DHX29: variants seen among roughly 807,000 people sequenced by gnomAD.
DHX29 encodes the protein ATP-dependent RNA helicase DHX29.
A neutral mutation model predicts 167.9 loss-of-function variants in DHX29; 79 were observed. The observed-to-expected ratio is 0.47, with a 90% CI of 0.39 to 0.57. DHX29 has a LOEUF of 0.57. Among genes scored for constraint, DHX29 ranks in the 20% least tolerant of loss-of-function variants. The pLI is 0.00. For missense variants in DHX29, 1,347 were observed against 1,593.4 expected (o/e 0.85, Z 2.63); for synonymous variants, 530 against 546.0 (o/e 0.97, Z 0.41).
chr5:55,261,904 T>C (rs1221078055), intron 24 of DHX29, among the ~76,000 whole-genome samples: 1 of 152,186 alleles, frequency 6.6e-6, no homozygotes, highest in Non-Finnish European at 1.5e-5. Context: ...GTTTGATAAA[T>C]GTTGAGAGTT....
intron 8 of DHX29, 60 bp downstream of exon 8, chr5:55,289,210 A>G: frequency 6.9e-7 from 1 of 1,453,078 alleles, no homozygotes; most frequent in Non-Finnish European, 9.0e-7. Flanking sequence ...TTACCATTAT[A>G]TATTTCTTGA....
At chr5:55,284,426 T>C (rs971708132) in intron 10 of DHX29, among the ~76,000 whole-genome samples, 4 of 152,222 alleles carry the variant, frequency 2.6e-5, no homozygotes, top group Non-Finnish European at 5.9e-5. Context: ...CAATTCTCTC[T>C]CTGACATTGA....
chr5:55,271,543 G>A (rs554780926), intron 18 of DHX29, among the ~76,000 whole-genome samples: 40 of 152,238 alleles, frequency 2.6e-4, no homozygotes, highest in Non-Finnish European at 4.7e-4. Flanking sequence ...TGAGGCAGGG[G>A]AACTGCTTGA....
intron 6 of DHX29, among the ~76,000 whole-genome samples, chr5:55,291,456 C>T (rs1286732549): frequency 1.3e-5 from 2 of 152,220 alleles, no homozygotes; most frequent in African/African-American, 4.8e-5. Flanking sequence ...TTCCATCTTT[C>T]CTGTACTTGG....
At chr5:55,298,008 A>G (rs1158787658) in intron 2 of DHX29, among the ~76,000 whole-genome samples, 1 of 152,196 alleles carries the variant, frequency 6.6e-6, no homozygotes, top group Non-Finnish European at 1.5e-5. Context: ...TAAGCACAAA[A>G]ATATAATTCA....
chr5:55,270,752 T>C, intron 18 of DHX29, 46 bp from the exon 19 acceptor site: 2 of 1,528,378 alleles, frequency 1.3e-6, no homozygotes, highest in South Asian at 2.3e-5. Context: ...TTGACTTAAG[T>C]CAAAATTGGA....
intron 14 of DHX29, 48 bp downstream of exon 14, chr5:55,276,218 G>A: frequency 6.9e-7 from 1 of 1,457,014 alleles, no homozygotes; most frequent in Non-Finnish European, 9.2e-7. Flanking sequence ...TGGCAGGTTA[G>A]GCCCTGGATA....
chr5:55,276,169 C>T, intron 14 of DHX29, 97 bp downstream of exon 14: 1 of 1,061,812 alleles, frequency 9.4e-7, no homozygotes, highest in South Asian at 1.8e-5. Flanking sequence ...AAATTATACT[C>T]AAATTCACTG....
chr5:55,267,058 T>A, intron 23 of DHX29, 80 bp downstream of exon 23: 1 of 892,476 alleles, frequency 1.1e-6, no homozygotes, highest in South Asian at 1.8e-5. Context: ...TGACAAGTAT[T>A]TTCCTAGGCA....
chr5:55,278,830 C>T (rs1299435311), intron 12 of DHX29, among the ~76,000 whole-genome samples: 11 of 152,036 alleles, frequency 7.2e-5, no homozygotes, highest in Admixed American at 5.9e-4. Context: ...TTTCAGAAAC[C>T]GGAGAAACAA....
Position 55,274,900 on chromosome 5 carries a change from G to T in DHX29, c.2538C>A (p.Asn846Lys). 6.2e-7 allele frequency: 1 copy of T among 1,613,710 alleles called. No individual in the cohort carries two copies. Among genetic ancestry groups the T allele is most frequent in the Non-Finnish European group, 8.5e-7 (1 of 1,179,868 alleles). The change falls in exon 15 of 27, where the codon AAC becomes AAA. Residue 846 changes from asparagine (N) to lysine (K), a missense_variant. By Grantham distance (94) the Asn-to-Lys change is moderately conservative. This residue lies in a region of DHX29 where 882 missense variants were observed against 1,082.4 expected (regional missense o/e 0.81). Transcript: ENST00000251636. ...AILYMNPHKINLDLILELLAY... is the reference protein window; with the variant it reads ...AILYMNPHKIKLDLILELLAY... Reference sequence around the variant, plus strand: ...CAAGAAGTTCCAAAATGAGATCCAGGTTGATTTTATGAGGATTCATGTATA... The same window carrying T: ...CAAGAAGTTCCAAAATGAGATCCAGTTTGATTTTATGAGGATTCATGTATA...
chr5:55,263,043 A>G (rs1016180067), intron 23 of DHX29, 111 bp from the exon 24 acceptor site: 7 of 817,822 alleles, frequency 8.6e-6, no homozygotes, highest in Non-Finnish European at 1.1e-5. Flanking sequence ...GATGCTAATG[A>G]TTATTTGGCT....
In DHX29 at chr5:55,256,444, A is replaced by C; in HGVS notation, c.*44T>G. On this transcript the variant is annotated 3_prime_UTR_variant, in exon 27 of 27. Coordinates refer to ENST00000251636, the MANE Select transcript of DHX29 (RefSeq NM_019030.4). ...CATTTTCAGATAATTTCATGACTGT[A>C]TCTTCATCTTAATTTTTAAAGCAGT... The C allele has an allele frequency of 4.0e-6, 6 of 1,500,332 alleles. No individual in the cohort carries two copies. Among genetic ancestry groups the C allele is most frequent in the Middle Eastern group, 1.9e-4 (1 of 5,398 alleles). 92.9% of individuals were successfully genotyped at this position (1,500,332 alleles called of 1,614,324 possible).
chr5:55,277,095 A>G lies in DHX29; in HGVS notation c.2286+11T>C, dbSNP rs947975877. 6 of 1,592,606 alleles carry G rather than the reference A, an allele frequency of 3.8e-6. No individual in the cohort carries two copies. Among genetic ancestry groups the G allele is most frequent in the Non-Finnish European group, 5.1e-6 (6 of 1,169,988 alleles). The stretch of plus-strand genomic sequence containing the variant: ...GTTTCTGCTTATACACACATTATAA[A>G]GAAAACTTACCTCAACAGGATAACT... On this transcript the variant is annotated intron_variant, in intron 13 of 26. Coordinates refer to ENST00000251636, the MANE Select transcript of DHX29 (RefSeq NM_019030.4).
intron 1 of DHX29, among the ~76,000 whole-genome samples, chr5:55,304,209 C>T (rs1748743886): frequency 6.6e-6 from 1 of 151,882 alleles, no homozygotes; most frequent in African/African-American, 2.4e-5. Flanking sequence ...ACACTCCAGG[C>T]TTGCATCTCA....
rs1013859867 is a variant in DHX29, at chr5:55,282,715, G to T, written c.1965+488C>A. Among the ~76,000 whole-genome samples the T allele has an allele frequency of 2.0e-5, 3 of 152,088 alleles. 1 individual carries two copies. The highest frequency in any genetic ancestry group is 4.4e-5 in the Non-Finnish European group (3 of 68,034). On this transcript the variant is annotated intron_variant, in intron 11 of 26. Coordinates refer to ENST00000251636, the MANE Select transcript of DHX29 (RefSeq NM_019030.4). ...CATATACTTGCATGGCAAAATGCAT[G>T]ACAATAGATATTTAAGTATTTTTCT...
At chr5:55,300,805 T>C (rs989318430) in intron 1 of DHX29, among the ~76,000 whole-genome samples, 1 of 152,242 alleles carries the variant, frequency 6.6e-6, no homozygotes, top group Admixed American at 6.5e-5. Flanking sequence ...CTCTTTAATA[T>C]CTGGTATCTT....
intron 2 of DHX29, among the ~76,000 whole-genome samples, chr5:55,298,095 A>AT (rs1384732816): frequency 6.6e-6 from 1 of 152,232 alleles, no homozygotes; most frequent in African/African-American, 2.4e-5. Context: ...CAAAAAAGAT[A>AT]TATCAAGTAA....
intron 11 of DHX29, 123 bp downstream of exon 11, chr5:55,283,080 T>C (rs1221805681): frequency 4.9e-6 from 5 of 1,027,732 alleles, no homozygotes; most frequent in Non-Finnish European, 2.7e-6. Context: ...GTGCCTGAAA[T>C]GTGCTACTGA....
Sources: gnomAD v4.1 joint callset for allele counts (sites outside exome capture counted in the v4.1 genomes callset) on GRCh38, gnomAD v4.1.1 for gene constraint, gnomAD v4.1.1 regional missense constraint, MANE v1.5 for transcripts, NCBI Gene and HGNC (gene_info 2026-07-23, HGNC 2026-07-21) for gene names.